The following EPHA6 variants were observed in gnomAD, a reference collection of about 807,000 sequenced individuals.
The protein encoded by EPHA6 is ephrin type-A receptor 6.
EPHA6 carries 50 observed loss-of-function variants against 112.0 expected under a neutral mutation model. That is an observed-to-expected ratio of 0.45 (90% CI 0.36 to 0.56). The LOEUF is 0.56. Ranked by LOEUF, EPHA6 falls within the 20% of genes least tolerant of loss-of-function variation. EPHA6 has a pLI of 0.00. For synonymous variants in EPHA6, 529 were observed against 490.7 expected, an observed-to-expected ratio of 1.08 and a Z score of -1.03; for missense variants, 1,280 against 1,417.4, an observed-to-expected ratio of 0.90 and a Z score of 1.56.
At chr3:97,428,945 G>C (rs140109471) in intron 6 of EPHA6, among the ~76,000 whole-genome samples, 1 of 149,622 alleles carries the variant, frequency 6.7e-6, no homozygotes, top group African/African-American at 2.6e-5. Context: ...CACAGGCATC[G>C]GGCCTGTATT....
At chr3:97,009,811 C>T (rs989130513) in intron 3 of EPHA6, among the ~76,000 whole-genome samples, 15 of 152,202 alleles carry the variant, frequency 9.9e-5, no homozygotes, top group African/African-American at 3.6e-4. Flanking sequence ...CATGCTCACT[C>T]ACCACCTCAC....
intron 5 of EPHA6, among the ~76,000 whole-genome samples, chr3:97,333,172 C>T (rs1296176122): frequency 6.6e-6 from 1 of 151,942 alleles, no homozygotes; most frequent in Non-Finnish European, 1.5e-5. Flanking sequence ...GCACCTAGAT[C>T]CTGTACATGT....
intron 2 of EPHA6, among the ~76,000 whole-genome samples, chr3:96,934,688 ATAT>A (rs2040492732): frequency 6.6e-6 from 1 of 151,348 alleles, no homozygotes; most frequent in Non-Finnish European, 1.5e-5. Context: ...TTATTTTCAA[ATAT>A]TAATGGTTTA....
intron 2 of EPHA6, among the ~76,000 whole-genome samples, chr3:96,888,054 C>T (rs2037735991): frequency 6.6e-6 from 1 of 152,146 alleles, no homozygotes; most frequent in Non-Finnish European, 1.5e-5. Context: ...GACTCTTCCC[C>T]CACCTGTGGA....
intron 5 of EPHA6, among the ~76,000 whole-genome samples, chr3:97,350,181 G>T (rs2108890275): frequency 6.6e-6 from 1 of 152,108 alleles, no homozygotes; most frequent in Admixed American, 6.5e-5. Context: ...TATTAACAGT[G>T]GTCTTGTGAC....
At chr3:97,021,834 A>T (rs2044472198) in intron 3 of EPHA6, among the ~76,000 whole-genome samples, 1 of 152,164 alleles carries the variant, frequency 6.6e-6, no homozygotes, top group Admixed American at 6.5e-5. Flanking sequence ...GACACAATGT[A>T]GTCTATATCA....
At chr3:97,468,021 A>G (rs2091111616) in intron 7 of EPHA6, among the ~76,000 whole-genome samples, 1 of 151,766 alleles carries the variant, frequency 6.6e-6, no homozygotes, top group Non-Finnish European at 1.5e-5. Context: ...GTCATCAGGA[A>G]GAGTGAATCT....
chr3:97,606,748 C>T (rs1281985639), intron 12 of EPHA6, among the ~76,000 whole-genome samples: 1 of 151,064 alleles, frequency 6.6e-6, no homozygotes, highest in Non-Finnish European at 1.5e-5. Context: ...CTTCTGAGTG[C>T]CTTAGAGGCA....
intron 3 of EPHA6, among the ~76,000 whole-genome samples, chr3:97,046,555 C>T (rs2045514508): frequency 6.6e-6 from 1 of 152,074 alleles, no homozygotes; most frequent in Non-Finnish European, 1.5e-5. Flanking sequence ...AGATGGAAAA[C>T]ATTTAAGAAT....
At chr3:97,572,412 A>G (rs1331488768) in intron 11 of EPHA6, among the ~76,000 whole-genome samples, 4 of 152,040 alleles carry the variant, frequency 2.6e-5, no homozygotes, top group African/African-American at 7.2e-5. Context: ...AGCCTCCCAA[A>G]GTGCTAGGAT....
chr3:96,932,115 C>G (rs1243693306), intron 2 of EPHA6, among the ~76,000 whole-genome samples: 1 of 152,092 alleles, frequency 6.6e-6, no homozygotes, highest in African/African-American at 2.4e-5. Flanking sequence ...GTGGGGGTTC[C>G]TTGGCTGTAT....
intron 2 of EPHA6, among the ~76,000 whole-genome samples, chr3:96,976,221 T>A (rs1403408223): frequency 2.0e-5 from 3 of 152,164 alleles, no homozygotes; most frequent in Admixed American, 2.0e-4. Flanking sequence ...AGCTTAGTTT[T>A]ATAAATTAAT....
At chr3:96,895,373 A>G (rs762714712) in intron 2 of EPHA6, among the ~76,000 whole-genome samples, 7 of 152,224 alleles carry the variant, frequency 4.6e-5, no homozygotes, top group Non-Finnish European at 1.0e-4. Context: ...TAATATTTTT[A>G]TAAAAGGGCC....
chr3:96,941,428 G>C (rs1034010714), intron 2 of EPHA6, among the ~76,000 whole-genome samples: 1 of 152,050 alleles, frequency 6.6e-6, no homozygotes, highest in African/African-American at 2.4e-5. Context: ...CGTAGTTCTC[G>C]AGCCTTGGCT....
intron 6 of EPHA6, among the ~76,000 whole-genome samples, chr3:97,430,120 G>T (rs1390818465): frequency 6.6e-6 from 1 of 152,060 alleles, no homozygotes; most frequent in Non-Finnish European, 1.5e-5. Context: ...ATTAAAGAAT[G>T]AATAACATTC....
chr3:97,727,726 A>G (rs1318192963), intron 15 of EPHA6, among the ~76,000 whole-genome samples: 2 of 152,102 alleles, frequency 1.3e-5, no homozygotes, highest in Non-Finnish European at 2.9e-5. Context: ...ATTTTCAAAA[A>G]GGCCTTCGTT....
chr3:97,664,584 C>T (rs1166560774), intron 14 of EPHA6, among the ~76,000 whole-genome samples: 1 of 152,134 alleles, frequency 6.6e-6, no homozygotes, highest in Non-Finnish European at 1.5e-5. Flanking sequence ...ATTGTCTCAG[C>T]CCAAAATCTC....
chr3:97,637,812 TACAC>T, intron 13 of EPHA6, 57 bp from the exon 14 acceptor site: 1 of 1,236,088 alleles, frequency 8.1e-7, no homozygotes, highest in African/African-American at 1.5e-5. Context: ...TCTTATTTAA[TACAC>T]ACACGCACAC....
intron 3 of EPHA6, among the ~76,000 whole-genome samples, chr3:97,220,912 G>T (rs1553724653): frequency 6.6e-6 from 1 of 152,156 alleles, no homozygotes; most frequent in Non-Finnish European, 1.5e-5. Context: ...TATGAGCAGG[G>T]AGAAAGCAGA....
Sources: gnomAD v4.1 joint callset for allele counts (sites outside exome capture counted in the v4.1 genomes callset) on GRCh38, gnomAD v4.1.1 for gene constraint, MANE v1.5 for transcripts, NCBI Gene and HGNC (gene_info 2026-07-23, HGNC 2026-07-21) for gene names.